The following SARNP variants were observed in gnomAD, a reference collection of about 807,000 sequenced individuals.
The protein encoded by SARNP is SAP domain containing ribonucleoprotein.
Under a neutral mutation model 38.1 loss-of-function variants are expected in SARNP, and 5 were observed. That is an observed-to-expected ratio of 0.13 (90% confidence interval 0.07 to 0.28). The LOEUF (loss-of-function observed/expected upper bound fraction) is 0.28. Ranked by LOEUF, SARNP falls within the 10% of genes least tolerant of loss-of-function variation. The probability of loss-of-function intolerance (pLI) is 1.00; values close to 1 mark genes in which losing one functional copy is unlikely to be tolerated. For missense variants in SARNP, 180 were observed against 243.9 expected (o/e 0.74, Z 1.75); for synonymous variants, 84 against 80.6 (o/e 1.04, Z -0.23).
At chr12:55,814,737 C>T (rs1258609105) in intron 1 of SARNP, among the ~76,000 whole-genome samples, 1 of 152,044 alleles carries the variant, frequency 6.6e-6, no homozygotes, top group Non-Finnish European at 1.5e-5. Context: ...GGCATGGTGG[C>T]ACGTGCCTGT....
chr12:55,800,869 C>A lies in SARNP; in HGVS notation c.168G>T (p.Leu56=). ...TCCAACTCACCTCTGTTTCATCTCC[C>A]AGTACATCTTCTTCATTTGCCTCCT... ...AEEEANEEDV[L]GDETEEEETK... The change falls in exon 3 of 11, where the codon CTG becomes CTT. Residue 56 remains leucine, a synonymous_variant. Transcript: ENST00000336133. 1 of 1,613,256 alleles carries A rather than the reference C, an allele frequency of 6.2e-7. No individual in the cohort carries two copies.
rs74834938 is a variant in SARNP at position 55,778,013 on chromosome 12, C to G, written c.501+11062G>C. Among the ~76,000 whole-genome samples, 399 of 152,184 alleles carry G rather than the reference C, an allele frequency of 2.6e-3. 19 individuals are homozygous for G. The East Asian group carries it at 0.067, about 26-fold the overall frequency. The stretch of plus-strand genomic sequence containing the variant: ...GTAAGAAGTGTGGGTGTGGGGGAAA[C>G]TGGGAAGGGAGGGAGATGATGTATT... On this transcript the variant is annotated intron_variant, in intron 9 of 10. Coordinates refer to ENST00000336133, the MANE Select transcript of SARNP (RefSeq NM_033082.4).
intron 1 of SARNP, among the ~76,000 whole-genome samples, chr12:55,808,944 T>C (rs1049872940): frequency 7.9e-5 from 12 of 152,182 alleles, no homozygotes; most frequent in Non-Finnish European, 5.9e-5. Context: ...TGATTTGAAA[T>C]GTTTTGGCTC....
intron 1 of SARNP, among the ~76,000 whole-genome samples, chr12:55,810,076 C>T (rs1323978000): frequency 6.6e-6 from 1 of 152,202 alleles, no homozygotes; most frequent in African/African-American, 2.4e-5. Context: ...TTACCCTCAT[C>T]ATACATTTGA....
Position 55,789,099 on chromosome 12 carries a change from C to T in SARNP, c.477G>A (p.Leu159=), listed in dbSNP as rs1316578162. 5 of 1,604,418 alleles carry T rather than the reference C, an allele frequency of 3.1e-6. No individual in the cohort carries two copies. In the South Asian group the frequency reaches 3.4e-5, roughly 11 times the overall value. ...CCTTTCTGGAGATTGAAGAGACATT[C>T]AAACCAAATCTTTGAGCTCTTTCCT... The part of the protein sequence containing the change: ...KLKERAQRFG[L]NVSSISRKSE... Residue 159 remains leucine, a synonymous_variant, in exon 9 of 11, where the codon TTG becomes TTA. Transcript: ENST00000336133.
At chr12:55,768,201 C>T (rs1404997548) in intron 9 of SARNP, among the ~76,000 whole-genome samples, 3 of 152,176 alleles carry the variant, frequency 2.0e-5, no homozygotes, top group Non-Finnish European at 4.4e-5. Context: ...CATCGGCTCA[C>T]TGCAACCTCC....
chr12:55,779,018 A>T (rs1219641317), intron 9 of SARNP, among the ~76,000 whole-genome samples: 4 of 152,174 alleles, frequency 2.6e-5, no homozygotes, highest in African/African-American at 9.7e-5. Flanking sequence ...AACACAAAAC[A>T]CAAAAAACTA....
chr12:55,808,835 G>T (rs1469877580), intron 1 of SARNP, among the ~76,000 whole-genome samples: 1 of 128,898 alleles, frequency 7.8e-6, no homozygotes, highest in East Asian at 2.4e-4. Context: ...CTTTTTGCAC[G>T]TATTTCAGCA....
At chr12:55,760,403 T>G (rs1878639033) in intron 10 of SARNP, 148 bp downstream of exon 10, 1 of 591,468 alleles carries the variant, frequency 1.7e-6, no homozygotes, top group East Asian at 2.8e-5. Flanking sequence ...TTATTCACTC[T>G]CACTTCCTGG....
chr12:55,804,957 A>G (rs1043406972), intron 1 of SARNP, among the ~76,000 whole-genome samples: 1 of 152,212 alleles, frequency 6.6e-6, no homozygotes, highest in African/African-American at 2.4e-5. Flanking sequence ...TGAAAAGTGG[A>G]GAGTTTTTTA....
At chr12:55,762,643 A>T (rs1225395109) in intron 9 of SARNP, 1 of 152,214 alleles carries the variant, frequency 6.6e-6, no homozygotes, top group Non-Finnish European at 1.5e-5. Context: ...CAAGGAAATT[A>T]TAGTCCTACA....
intron 9 of SARNP, among the ~76,000 whole-genome samples, chr12:55,785,791 A>G (rs538199662): frequency 4.6e-4 from 70 of 151,710 alleles, no homozygotes; most frequent in Non-Finnish European, 8.8e-4. Context: ...AAAAAAAAAA[A>G]AAGACAGGGT....
chr12:55,806,431 T>C (rs1428875622), intron 1 of SARNP, among the ~76,000 whole-genome samples: 2 of 151,952 alleles, frequency 1.3e-5, no homozygotes, highest in Admixed American at 1.3e-4. Flanking sequence ...TGTGCCACCA[T>C]GCCTGGCTAA....
chr12:55,805,223 T>C (rs538278359), intron 1 of SARNP, among the ~76,000 whole-genome samples: 1 of 152,212 alleles, frequency 6.6e-6, no homozygotes, highest in Non-Finnish European at 1.5e-5. Flanking sequence ...GATCGACCAC[T>C]ACACTCCAGC....
intron 9 of SARNP, 130 bp from the exon 10 acceptor site, chr12:55,760,770 G>A (rs1017175660): frequency 1.5e-6 from 1 of 653,982 alleles, no homozygotes; most frequent in African/African-American, 1.8e-5. Context: ...ATCACATAAA[G>A]AGATAAGATA....
chr12:55,813,058 G>A (rs1319112832), intron 1 of SARNP, among the ~76,000 whole-genome samples: 1 of 151,988 alleles, frequency 6.6e-6, no homozygotes, highest in African/African-American at 2.4e-5. Context: ...TGATTCTCCT[G>A]TCTCAGCCTC....
At chr12:55,769,527 T>A (rs1166976540) in intron 9 of SARNP, among the ~76,000 whole-genome samples, 1 of 152,248 alleles carries the variant, frequency 6.6e-6, no homozygotes, top group South Asian at 2.1e-4. Context: ...TTTTACCTTC[T>A]GAATCTTGTG....
intron 1 of SARNP, among the ~76,000 whole-genome samples, chr12:55,815,101 G>C (rs1169774457): frequency 6.6e-6 from 1 of 152,142 alleles, no homozygotes; most frequent in Admixed American, 6.5e-5. Context: ...CACCCAGGCT[G>C]AAGTGCAGTG....
chr12:55,770,698 TACC>T (rs1878982898), intron 9 of SARNP, among the ~76,000 whole-genome samples: 1 of 152,064 alleles, frequency 6.6e-6, no homozygotes. Flanking sequence ...TACAGCAGAG[TACC>T]ATTACTATGT....
Sources: allele counts gnomAD v4.1 joint callset (sites outside exome capture counted in the v4.1 genomes callset), GRCh38; gene constraint gnomAD v4.1.1; transcripts MANE v1.5; gene names NCBI Gene and HGNC (gene_info 2026-07-23, HGNC 2026-07-21).